RELN: variants seen among roughly 807,000 people sequenced by gnomAD.
RELN encodes reelin.
In RELN, 108 loss-of-function variants were observed where a neutral mutation model predicts 427.6. That is an observed-to-expected ratio of 0.25 (90% confidence interval 0.22 to 0.30). The LOEUF is 0.30. RELN is among the 10% of genes least tolerant of loss of function. The pLI is 1.00. For missense variants in RELN, 3,715 were observed against 4,302.8 expected (o/e 0.86, Z 3.82); for synonymous variants, 1,524 against 1,513.4 (o/e 1.01, Z -0.16).
At chr7:103,545,395 TTCAAAGTATGCACA>T in intron 41 of RELN, 51 bp from the exon 42 acceptor site, 1 of 1,226,142 alleles carries the variant, frequency 8.2e-7, no homozygotes. Context: ...ACAATATACC[TTCAAAGTATGCACA>T]TCTGATCAAT....
At chr7:103,974,648 G>T (rs542690825) in intron 1 of RELN, among the ~76,000 whole-genome samples, 1 of 152,120 alleles carries the variant, frequency 6.6e-6, no homozygotes, top group African/African-American at 2.4e-5. Flanking sequence ...TGTTCCCTTT[G>T]TATGTTCATC....
At chr7:103,835,376 T>G (rs1471256183) in intron 2 of RELN, among the ~76,000 whole-genome samples, 1 of 152,178 alleles carries the variant, frequency 6.6e-6, no homozygotes, top group Non-Finnish European at 1.5e-5. Flanking sequence ...TGGATATGTG[T>G]CCTTATAAAT....
At chr7:103,525,612 G>A (rs1409174865) in intron 46 of RELN, among the ~76,000 whole-genome samples, 1 of 151,876 alleles carries the variant, frequency 6.6e-6, no homozygotes, top group Non-Finnish European at 1.5e-5. Flanking sequence ...TTTATCTGCA[G>A]CAACAACTTA....
chr7:103,871,727 T>C (rs1794339297), intron 2 of RELN, among the ~76,000 whole-genome samples: 1 of 152,008 alleles, frequency 6.6e-6, no homozygotes, highest in South Asian at 2.1e-4. Context: ...ATGAAGAGAA[T>C]ACGATGAGAG....
intron 15 of RELN, among the ~76,000 whole-genome samples, chr7:103,650,742 C>T (rs1299342880): frequency 6.6e-6 from 1 of 152,094 alleles, no homozygotes; most frequent in Non-Finnish European, 1.5e-5. Context: ...GCTCCTGCCT[C>T]AGCCTCCTGA....
chr7:103,554,213 C>T (rs540265318), intron 38 of RELN, among the ~76,000 whole-genome samples: 63 of 147,154 alleles, frequency 4.3e-4, no homozygotes, highest in Non-Finnish European at 8.2e-4. Context: ...AACCACCCCC[C>T]GCCAAACCCA....
At chr7:103,747,219 C>G (rs900811397) in intron 6 of RELN, among the ~76,000 whole-genome samples, 1 of 145,454 alleles carries the variant, frequency 6.9e-6, no homozygotes, top group African/African-American at 2.6e-5. Flanking sequence ...ACAATGAGAA[C>G]ACATGGCCAC....
chr7:103,498,274 T>C (rs769182122), intron 53 of RELN, 22 bp from the exon 54 acceptor site: 2 of 1,608,732 alleles, frequency 1.2e-6, no homozygotes, highest in Admixed American at 1.7e-5. Context: ...ATAAGCCAGA[T>C]GTGGTTAAAA....
At chr7:103,679,857 CT>C (rs1833616989) in intron 11 of RELN, among the ~76,000 whole-genome samples, 1 of 152,142 alleles carries the variant, frequency 6.6e-6, no homozygotes, top group Non-Finnish European at 1.5e-5. Flanking sequence ...CTAAACTATG[CT>C]TGGTTTCTTC....
chr7:103,872,030 A>ATATATATTTTT (rs773045936), intron 2 of RELN, among the ~76,000 whole-genome samples: 2 of 138,450 alleles, frequency 1.4e-5, no homozygotes, highest in South Asian at 2.2e-4. Flanking sequence ...ATATATATAT[A>ATATATATTTTT]TTTTTCTTTT....
chr7:103,812,180 C>T (rs1425362243), intron 3 of RELN, among the ~76,000 whole-genome samples: 1 of 152,114 alleles, frequency 6.6e-6, no homozygotes, highest in South Asian at 2.1e-4. Context: ...GTGACTTTTA[C>T]TTTCACTCCT....
Position 103,542,713 on chromosome 7 carries a change from G to A in RELN, c.6671+18C>T. 4 of 1,613,462 alleles carry A rather than the reference G, an allele frequency of 2.5e-6. No individual in the cohort carries two copies. In the South Asian group the frequency reaches 3.3e-5, roughly 13 times the overall value. ...CATTACGATGTGGTTTTTTTCAACA[G>A]CATCTAAAAATGATTACCTAGCATG... On this transcript the variant is annotated intron_variant, in intron 43 of 64. Transcript: ENST00000428762.
chr7:103,798,544 G>C (rs1792367331), intron 3 of RELN, among the ~76,000 whole-genome samples: 1 of 152,182 alleles, frequency 6.6e-6, no homozygotes, highest in Non-Finnish European at 1.5e-5. Context: ...CTGTTACCCA[G>C]TAAGGTTTAG....
intron 55 of RELN, among the ~76,000 whole-genome samples, chr7:103,496,987 A>T (rs999814965): frequency 4.6e-5 from 7 of 152,234 alleles, no homozygotes; most frequent in African/African-American, 1.7e-4. Context: ...GAGTTGGCCA[A>T]AATAAAAACA....
chr7:103,764,612 T>A (rs1432831094), intron 4 of RELN, among the ~76,000 whole-genome samples: 7 of 149,596 alleles, frequency 4.7e-5, no homozygotes, highest in African/African-American at 1.7e-4. Context: ...CTGAGGCGAG[T>A]GGATCATGAG....
intron 1 of RELN, among the ~76,000 whole-genome samples, chr7:103,967,357 T>G (rs1563116187): frequency 6.6e-6 from 1 of 152,036 alleles, no homozygotes; most frequent in Non-Finnish European, 1.5e-5. Context: ...ATCAAGGGGC[T>G]CCTGATGTTG....
At chr7:103,707,458 T>G (rs541740089) in intron 8 of RELN, among the ~76,000 whole-genome samples, 2 of 152,172 alleles carry the variant, frequency 1.3e-5, no homozygotes, top group African/African-American at 4.8e-5. Flanking sequence ...ATTTGCTTCC[T>G]AAATAACACA....
At chr7:103,531,123 C>A (rs1464572321) in intron 46 of RELN, among the ~76,000 whole-genome samples, 1 of 152,156 alleles carries the variant, frequency 6.6e-6, no homozygotes, top group Non-Finnish European at 1.5e-5. Flanking sequence ...AAATAATTTT[C>A]ATTTTTAGTA....
chr7:103,989,051 T>TG lies in RELN; in HGVS notation c.226+79dup. 1 of 1,293,894 alleles carries TG rather than the reference T, an allele frequency of 7.7e-7. No individual in the cohort carries two copies. Among genetic ancestry groups the TG allele is most frequent in the Non-Finnish European group, 1.1e-6 (1 of 891,542 alleles). The allele number at this position is 1,293,894 out of a possible 1,614,324, so 80.2% of individuals were successfully genotyped here. On this transcript the variant is annotated intron_variant, in intron 1 of 64. Transcript: ENST00000428762. The surrounding 1 kb of genome is among the most constrained non-coding windows in gnomAD (Gnocchi z 4.9). ...CATGGTTCTTGTTTCCAAGGCCCCT[T>TG]GGAAGAAGGAAAGGGATGAGAAAGG...
Sources: gnomAD v4.1 joint callset for allele counts (sites outside exome capture counted in the v4.1 genomes callset) on GRCh38, gnomAD v4.1.1 for gene constraint, Gnocchi (gnomAD v3.1) non-coding constraint, MANE v1.5 for transcripts, NCBI Gene and HGNC (gene_info 2026-07-23, HGNC 2026-07-21) for gene names.